Variants in BMPR1A observed in about 807,000 individuals in gnomAD.
BMPR1A encodes the protein bone morphogenetic protein receptor type 1A, also known as bone morphogenetic protein receptor type-1A.
BMPR1A carries 7 observed loss-of-function variants against 66.0 expected under a neutral mutation model. That is an observed-to-expected ratio of 0.11 (90% CI 0.06 to 0.20). The LOEUF is 0.20. BMPR1A is among the 10% of genes least tolerant of loss of function. The pLI is 1.00. For synonymous variants in BMPR1A, 200 were observed against 229.7 expected (o/e 0.87, Z 1.17); for missense variants, 408 against 669.1 (o/e 0.61, Z 4.31).
At chr10:86,881,178 C>T (rs1842981027) in intron 3 of BMPR1A, among the ~76,000 whole-genome samples, 1 of 152,114 alleles carries the variant, frequency 6.6e-6, no homozygotes, top group Non-Finnish European at 1.5e-5. Context: ...GAGCTTGAGG[C>T]TGCAGTGAAC....
In BMPR1A at chr10:86,881,596, G is replaced by A. The variant is rs935709203; in HGVS notation, c.67+5511G>A. On this transcript the variant is annotated intron_variant, in intron 3 of 12. Coordinates refer to ENST00000372037, the MANE Select transcript of BMPR1A (RefSeq NM_004329.3). ...ACATGTGACTTGTGGCTACCATATTGGACAGCACAGCTCTCGAGCTAATTA... is the reference window on the plus strand; with the variant it reads ...ACATGTGACTTGTGGCTACCATATTAGACAGCACAGCTCTCGAGCTAATTA... Among the ~76,000 whole-genome samples the A allele has an allele frequency of 2.6e-5, 4 of 152,096 alleles. No homozygotes were observed. The East Asian group carries it at 7.7e-4, about 29-fold the overall frequency.
chr10:86,780,619 G>A (rs1281468111), intron 1 of BMPR1A, among the ~76,000 whole-genome samples: 1 of 151,980 alleles, frequency 6.6e-6, no homozygotes, highest in Non-Finnish European at 1.5e-5. Flanking sequence ...ATTTTTAGTG[G>A]AGACGGGGTT....
chr10:86,879,124 C>G (rs995699586), intron 3 of BMPR1A, among the ~76,000 whole-genome samples: 9 of 151,982 alleles, frequency 5.9e-5, no homozygotes, highest in Non-Finnish European at 1.3e-4. Context: ...TCATCAAGAC[C>G]CAAGTTCTTT....
chr10:86,824,974 T>G (rs984209811), intron 1 of BMPR1A, among the ~76,000 whole-genome samples: 2 of 152,084 alleles, frequency 1.3e-5, no homozygotes, highest in Non-Finnish European at 2.9e-5. Flanking sequence ...CATTAGGAAA[T>G]AAATCTATTT....
chr10:86,897,053 T>C lies in BMPR1A; in HGVS notation c.334-2741T>C, dbSNP rs186759262. On this transcript the variant is annotated intron_variant, in intron 5 of 12. Transcript: ENST00000372037. ...GCGTTCTTCCACTCCCCAGGCTGCA[T>C]TGGTAAATTGTGCTTATTCTGTTTC... Among the ~76,000 whole-genome samples the C allele has an allele frequency of 6.4e-3, 968 of 152,328 alleles. 10 individuals are homozygous for C. Among genetic ancestry groups the C allele is most frequent in the Middle Eastern group, 0.017 (5 of 294 alleles).
chr10:86,859,612 G>A (rs71473280), intron 2 of BMPR1A, among the ~76,000 whole-genome samples: 5,928 of 152,054 alleles, frequency 0.039, 229 homozygotes, highest in African/African-American at 0.091. Flanking sequence ...CTGAGGTCAG[G>A]AGTTCGAGAC....
chr10:86,756,285 G>C (rs1847859141), upstream of BMPR1A: 1 of 152,172 alleles, frequency 6.6e-6, no homozygotes, highest in South Asian at 2.1e-4. Flanking sequence ...GAAGCTACCC[G>C]GGCGGCAGCT....
chr10:86,855,558 AT>A, intron 2 of BMPR1A: 1 of 501,726 alleles, frequency 2.0e-6, no homozygotes, highest in Non-Finnish European at 3.6e-6. Context: ...TAGTATTTCT[AT>A]TTTTTGAAAT....
chr10:86,925,087 G>T lies in BMPR1A; in HGVS notation c.*1368G>T. The T allele has an allele frequency of 4.3e-6, 1 of 232,064 alleles. No individual in the cohort carries two copies. The highest frequency in any genetic ancestry group is 6.1e-5 in the East Asian group (1 of 16,310). The allele number at this position is 232,064 out of a possible 1,614,324, so 14.4% of individuals were successfully genotyped here. A position where few individuals can be genotyped will look rare whatever the true frequency, so the allele number is the denominator to read the frequency against. On this transcript the variant is annotated 3_prime_UTR_variant, in exon 13 of 13. Transcript: ENST00000372037. ...TTTTTTGATTTCTATTCCCTAACTT[G>T]TGAAGACAATGAAAAATCAGGCAGA...
At chr10:86,902,438 G>A (rs953052034) in intron 7 of BMPR1A, among the ~76,000 whole-genome samples, 3 of 151,718 alleles carry the variant, frequency 2.0e-5, no homozygotes, top group Non-Finnish European at 4.4e-5. Flanking sequence ...TCTTGAGACT[G>A]CCTGCAGTGC....
At chr10:86,866,629 C>T (rs1192630273) in intron 2 of BMPR1A, among the ~76,000 whole-genome samples, 1 of 150,776 alleles carries the variant, frequency 6.6e-6, no homozygotes, top group Admixed American at 6.6e-5. Flanking sequence ...AGGCTGGTCT[C>T]GAACGCCTGA....
intron 1 of BMPR1A, among the ~76,000 whole-genome samples, chr10:86,834,718 T>G (rs578128796): frequency 8.3e-4 from 127 of 152,320 alleles, no homozygotes; most frequent in Non-Finnish European, 1.5e-3. Context: ...AACTGTTCAT[T>G]TGAGTTATTT....
chr10:86,895,608 A>T (rs1028864002), intron 5 of BMPR1A, among the ~76,000 whole-genome samples: 1 of 152,202 alleles, frequency 6.6e-6, no homozygotes, highest in African/African-American at 2.4e-5. Flanking sequence ...TTATGTGAAT[A>T]CATTGTCTTG....
At chr10:86,834,687 C>A (rs918966668) in intron 1 of BMPR1A, among the ~76,000 whole-genome samples, 1 of 152,124 alleles carries the variant, frequency 6.6e-6, no homozygotes, top group Non-Finnish European at 1.5e-5. Flanking sequence ...TATAGGGGTG[C>A]ATGGTATACT....
At chr10:86,813,850 T>G (rs1264669356) in intron 1 of BMPR1A, among the ~76,000 whole-genome samples, 1 of 152,192 alleles carries the variant, frequency 6.6e-6, no homozygotes, top group South Asian at 2.1e-4. Context: ...CTAGTAGATA[T>G]CTCTAGAAGG....
At chr10:86,873,540 A>G (rs919781804) in intron 2 of BMPR1A, among the ~76,000 whole-genome samples, 3 of 152,140 alleles carry the variant, frequency 2.0e-5, no homozygotes, top group Non-Finnish European at 4.4e-5. Flanking sequence ...GACCAAAGCC[A>G]GGGTTTCTGG....
chr10:86,758,867 C>T (rs768421534), intron 1 of BMPR1A, among the ~76,000 whole-genome samples: 9 of 152,196 alleles, frequency 5.9e-5, no homozygotes, highest in Non-Finnish European at 8.8e-5. Context: ...GATTTAACAT[C>T]GACTTCACAT....
chr10:86,763,368 C>T (rs1326050253), intron 1 of BMPR1A, among the ~76,000 whole-genome samples: 1 of 152,036 alleles, frequency 6.6e-6, no homozygotes, highest in East Asian at 1.9e-4. Flanking sequence ...CTACTGAGTA[C>T]CTATTCAATC....
intron 1 of BMPR1A, among the ~76,000 whole-genome samples, chr10:86,810,885 CT>C (rs2132936747): frequency 7.1e-6 from 1 of 141,730 alleles, no homozygotes; most frequent in East Asian, 2.1e-4. Flanking sequence ...TGATGGTGCC[CT>C]TTGAAGCACA....
Sources: allele counts gnomAD v4.1 joint callset (sites outside exome capture counted in the v4.1 genomes callset), GRCh38; gene constraint gnomAD v4.1.1; transcripts MANE v1.5; gene names NCBI Gene and HGNC (gene_info 2026-07-23, HGNC 2026-07-21).